SH3TC1: variants seen among roughly 807,000 people sequenced by gnomAD.
The protein encoded by SH3TC1 is SH3 domain and tetratricopeptide repeat-containing protein 1.
A neutral mutation model predicts 117.3 loss-of-function variants in SH3TC1; 135 were observed. The ratio of observed to expected loss-of-function variants is 1.15; its 90% confidence interval spans 1.00 to 1.33. The LOEUF is 1.33. Ranked by LOEUF, SH3TC1 falls within the 40% of genes most tolerant of loss-of-function variation. The probability of loss-of-function intolerance (pLI) is 0.00; values close to 1 mark genes in which losing one functional copy is unlikely to be tolerated. For synonymous variants in SH3TC1, 898 were observed against 816.9 expected (o/e 1.10, Z -1.69); for missense variants, 2,092 against 1,794.3 (o/e 1.17, Z -3.00).
At chr4:8,239,276 C>A (rs1317324765) in intron 17 of SH3TC1, among the ~76,000 whole-genome samples, 3 of 151,688 alleles carry the variant, frequency 2.0e-5, no homozygotes, top group African/African-American at 7.3e-5. Flanking sequence ...GAGACACATG[C>A]ACACACATGG....
chr4:8,212,979 G>C, intron 4 of SH3TC1, 151 bp downstream of exon 4: 1 of 1,026,076 alleles, frequency 9.7e-7, no homozygotes, highest in African/African-American at 1.6e-5. Flanking sequence ...AGGGGCGGCT[G>C]TGATACCCAG....
At chr4:8,231,872 C>A in intron 12 of SH3TC1, 104 bp from the exon 13 acceptor site, 1 of 1,370,822 alleles carries the variant, frequency 7.3e-7, no homozygotes, top group Non-Finnish European at 1.0e-6. Context: ...GGCCCAGGCT[C>A]ACAGAGGTGT....
rs971120938 is a variant in SH3TC1, at chr4:8,190,672, G to C, written c.-57+8462G>C. Among the ~76,000 whole-genome samples, 2 of 151,802 alleles carry C rather than the reference G, an allele frequency of 1.3e-5. No individual in the cohort carries two copies. Among genetic ancestry groups the C allele is most frequent in the Non-Finnish European group, 2.9e-5 (2 of 67,924 alleles). ...GATCTTTTTTTGGAGACAGAGCCTG[G>C]CTCTGTCGCCCAGGCTGGAGTGCAG... On this transcript the variant is annotated intron_variant, in intron 1 of 16. Coordinates refer to the SH3TC1 transcript ENST00000508641. This position sits in a 1 kb window ranked among gnomAD's most constrained non-coding sequence, Gnocchi z 4.7.
In SH3TC1 at chr4:8,205,831, C is replaced by T; in HGVS notation, c.172+465C>T. On this transcript the variant is annotated intron_variant, in intron 2 of 17. Transcript: ENST00000245105. This position sits in a 1 kb window ranked among gnomAD's most constrained non-coding sequence, Gnocchi z 5.4. ...GACGTGTGCCCAGTTTCCTGAATTC[C>T]CGGGAGACCTGAAGAGTGACCTAGG... The T allele has an allele frequency of 1.7e-6, 1 of 596,794 alleles. No individual in the cohort carries two copies. The highest frequency in any genetic ancestry group is 3.0e-6 in the Non-Finnish European group (1 of 334,432). The allele number at this position is 596,794 out of a possible 1,614,324, so 37.0% of individuals were successfully genotyped here. A position where few individuals can be genotyped will look rare whatever the true frequency, so the allele number is the denominator to read the frequency against.
At chr4:8,217,303 G>T in intron 7 of SH3TC1, 136 bp downstream of exon 7, 1 of 1,110,066 alleles carries the variant, frequency 9.0e-7, no homozygotes, top group Non-Finnish European at 1.3e-6. Flanking sequence ...TTGTTCTGCT[G>T]CTTCCCAGCT....
rs570505854 is a variant in SH3TC1, at chr4:8,209,799, G to A, written c.224G>A (p.Cys75Tyr). ...GGGCCTGCTGCTGGGACCCCTCCCT[G>A]CCAGATGGGGGTTTATCCCACAGGT... ...VAGPAAGTPPCQMGVYPTDLT... is the reference protein window; with the variant it reads ...VAGPAAGTPPYQMGVYPTDLT... Residue 75 changes from cysteine to tyrosine, a missense_variant, in exon 3 of 18, where the codon TGC (cysteine) becomes TAC (tyrosine). Transcript: ENST00000245105. The surrounding 1 kb of genome is among the most constrained non-coding windows in gnomAD (Gnocchi z 5.9). The A allele has an allele frequency of 5.6e-6, 9 of 1,613,438 alleles. No homozygotes were observed. Among genetic ancestry groups the A allele is most frequent in the Middle Eastern group, 1.6e-4 (1 of 6,082 alleles).
intron 14 of SH3TC1, among the ~76,000 whole-genome samples, chr4:8,234,632 T>TATCC (rs1721643421): frequency 6.6e-6 from 1 of 152,106 alleles, no homozygotes; most frequent in Non-Finnish European, 1.5e-5. Flanking sequence ...CTCATCCATT[T>TATCC]ATCCATCCAT....
intron 5 of SH3TC1, 142 bp downstream of exon 5, chr4:8,214,722 C>T (rs148830322): frequency 4.5e-5 from 32 of 703,434 alleles, no homozygotes; most frequent in African/African-American, 2.3e-4. Context: ...CTTGCTCTGT[C>T]GCCCAGGCTG....
chr4:8,202,339 G>A (rs1717893503), intron 1 of SH3TC1, among the ~76,000 whole-genome samples: 1 of 152,240 alleles, frequency 6.6e-6, no homozygotes, highest in Non-Finnish European at 1.5e-5. Flanking sequence ...AAGGCCCCAG[G>A]CTGCACAGGG....
At chr4:8,193,100 G>T (rs984795000) in intron 1 of SH3TC1, among the ~76,000 whole-genome samples, 2 of 152,234 alleles carry the variant, frequency 1.3e-5, no homozygotes, top group African/African-American at 2.4e-5. Flanking sequence ...GTAAGGGCAG[G>T]GTTGTGACGG....
At chr4:8,232,295 G>T in intron 13 of SH3TC1, 139 bp downstream of exon 13, 1 of 1,463,016 alleles carries the variant, frequency 6.8e-7, no homozygotes. Flanking sequence ...CGGATGCTCT[G>T]AGCTGGGGGG....
intron 1 of SH3TC1, among the ~76,000 whole-genome samples, chr4:8,193,109 G>C (rs1015371642): frequency 6.6e-6 from 1 of 152,220 alleles, no homozygotes; most frequent in Non-Finnish European, 1.5e-5. Context: ...GGGTTGTGAC[G>C]GACCTGATGG....
Position 8,206,561 on chromosome 4 carries a change from C to T in SH3TC1, c.172+1195C>T, listed in dbSNP as rs898649073. Reference sequence around the variant, plus strand: ...CTGAGTGGCTGGGTGTTTCCTCCTCCGGAGGCTCAGCAAAGCACCGTGGCA... The same window carrying T: ...CTGAGTGGCTGGGTGTTTCCTCCTCTGGAGGCTCAGCAAAGCACCGTGGCA... On this transcript the variant is annotated intron_variant, in intron 2 of 17. Coordinates refer to ENST00000245105, the MANE Select transcript of SH3TC1 (RefSeq NM_018986.5). The surrounding 1 kb of genome is among the most constrained non-coding windows in gnomAD (Gnocchi z 5.5). Among the ~76,000 whole-genome samples the T allele has an allele frequency of 9.2e-5, 14 of 152,096 alleles. No homozygotes were observed. The highest frequency in any genetic ancestry group is 1.6e-4 in the Non-Finnish European group (11 of 68,026).
Position 8,237,585 on chromosome 4 carries a change from A to T in SH3TC1, c.3668A>T (p.Asn1223Ile). Residue 1223 changes from asparagine to isoleucine, a missense_variant, in exon 17 of 18, where the codon AAC becomes ATC. By Grantham distance (149) the Asn-to-Ile change is moderately radical. Coordinates refer to ENST00000245105, the MANE Select transcript of SH3TC1 (RefSeq NM_018986.5). ...TACCTCAAGGCCCTGTCGCTCTGCA[A>T]CTCGCCGCTGGAGTTTGACGAGGAG... ...HFYLKALSLC[N>I]SPLEFDEETL... The T allele has an allele frequency of 6.2e-7, 1 of 1,612,130 alleles. No homozygotes were observed. Among genetic ancestry groups the T allele is most frequent in the Admixed American group, 1.7e-5 (1 of 59,852 alleles).
chr4:8,224,053 A>G (rs2152989705), intron 10 of SH3TC1, among the ~76,000 whole-genome samples: 1 of 152,112 alleles, frequency 6.6e-6, no homozygotes, highest in East Asian at 1.9e-4. Context: ...ATACACACAC[A>G]CACACCCACC....
chr4:8,231,680 T>A, intron 12 of SH3TC1: 1 of 424,780 alleles, frequency 2.4e-6, no homozygotes, highest in Non-Finnish European at 4.2e-6. Flanking sequence ...CAGCTCGGGC[T>A]GAAGGCGGCC....
rs138494924 is a variant in SH3TC1, at chr4:8,228,249, G to A, written c.2555G>A (p.Arg852Gln). The A allele has an allele frequency of 2.0e-5, 33 of 1,611,604 alleles. No homozygotes were observed. The highest frequency in any genetic ancestry group is 4.0e-5 in the African/African-American group (3 of 74,940). Residue 852 changes from arginine to glutamine, a missense_variant, in exon 12 of 18, where the codon CGG becomes CAG. Physicochemically the swap from Arg to Gln is conservative, Grantham distance 43. Transcript: ENST00000245105. ...PVALDILQSV[R>Q]DAVVASEDQE... ...GCCCTGGACATCCTGCAGTCTGTCCGGGATGCAGTGGTGGCCAGCGAGGAC... is the reference window on the plus strand; with the variant it reads ...GCCCTGGACATCCTGCAGTCTGTCCAGGATGCAGTGGTGGCCAGCGAGGAC...
At chr4:8,240,611 C>A (rs1223220482) in intron 17 of SH3TC1, 87 bp from the exon 18 acceptor site, 2 of 1,570,990 alleles carry the variant, frequency 1.3e-6, no homozygotes, top group Admixed American at 3.4e-5. Flanking sequence ...ATTGGCCGGA[C>A]ATGTGGAATG....
chr4:8,232,651 T>C (rs1166431600), intron 13 of SH3TC1: 9 of 1,296,210 alleles, frequency 6.9e-6, no homozygotes, highest in Non-Finnish European at 9.1e-6. Context: ...CACTTGGCTC[T>C]CCTGGAGCAT....
Sources: allele counts gnomAD v4.1 joint callset (sites outside exome capture counted in the v4.1 genomes callset), GRCh38; gene constraint gnomAD v4.1.1; non-coding constraint Gnocchi (gnomAD v3.1); transcripts MANE v1.5; gene names NCBI Gene and HGNC (gene_info 2026-07-23, HGNC 2026-07-21).